Variants in PC observed in about 807,000 individuals in gnomAD.
PC encodes the protein pyruvate carboxylase.
In PC, 46 loss-of-function variants were observed where a neutral mutation model predicts 107.8. That is an observed-to-expected ratio of 0.43 (90% CI 0.34 to 0.55). The LOEUF is 0.55. PC is among the 20% of genes least tolerant of loss of function. The pLI, the probability that PC is intolerant of heterozygous loss-of-function variation, is 0.04. For synonymous variants in PC, 662 were observed against 684.7 expected, an observed-to-expected ratio of 0.97 and a Z score of 0.52; for missense variants, 1,241 against 1,643.1, an observed-to-expected ratio of 0.76 and a Z score of 4.23.
intron 3 of PC, among the ~76,000 whole-genome samples, chr11:66,888,801 T>C (rs1037382861): frequency 6.6e-6 from 1 of 152,000 alleles, no homozygotes. Flanking sequence ...CTTGGCTGGG[T>C]GCAGTGGCTC....
At chr11:66,876,015 A>G (rs1199355829) in intron 3 of PC, among the ~76,000 whole-genome samples, 13 of 152,206 alleles carry the variant, frequency 8.5e-5, no homozygotes, top group Admixed American at 4.6e-4. Flanking sequence ...TGGACTCTTC[A>G]AACATGTCAA....
intron 3 of PC, among the ~76,000 whole-genome samples, chr11:66,891,588 C>T (rs1397529144): frequency 6.6e-6 from 1 of 151,886 alleles, no homozygotes; most frequent in African/African-American, 2.4e-5. Flanking sequence ...AGACGGGTTT[C>T]ACCACGTTGG....
In PC at chr11:66,958,334, G is replaced by C. The variant is rs1042141492; in HGVS notation, c.-240C>G. 1.3e-5 allele frequency: 2 copies of C among 152,422 alleles called. No homozygotes were observed. The highest frequency in any genetic ancestry group is 6.5e-5 in the Admixed American group (1 of 15,290). The allele number at this position is 152,422 out of a possible 1,614,324, so 9.4% of individuals were successfully genotyped here. ...GGCGGACACTCACCTCCTCGCCGTC[G>C]CCAGTCCTCGCCGCCGCCTCTACCG... On this transcript the variant is annotated 5_prime_UTR_variant, in exon 1 of 23. Transcript: ENST00000393960.
Position 66,848,993 on chromosome 11 carries a change from A to G in PC, c.3443T>C (p.Val1148Ala). Residue 1148 changes from valine (V) to alanine (A), a missense_variant, in exon 23 of 23, where the codon GTG (valine) becomes GCG (alanine). This residue lies in a region of PC where 98 missense variants were observed against 91.2 expected (regional missense o/e 1.07). Transcript: ENST00000393960. ...CVLSAMKMET[V>A]VTSPMEGTVR... ...AGTACCCTCCATGGGTGAGGTCACC[A>G]CAGTCTCCATCTTCATGGCACTGAG... 6.2e-7 allele frequency: 1 copy of G among 1,614,066 alleles called. No individual in the cohort carries two copies.
rs765735026 is a variant in PC at position 66,849,057 on chromosome 11, C to G, written c.3379G>C (p.Ala1127Pro). 1 of 1,614,106 alleles carries G rather than the reference C, an allele frequency of 6.2e-7. No individual in the cohort carries two copies. Among genetic ancestry groups the G allele is most frequent in the Non-Finnish European group, 8.5e-7 (1 of 1,180,042 alleles). Residue 1127 changes from alanine to proline, a missense_variant, in exon 23 of 23, where the codon GCA becomes CCA. This residue lies in a region of PC where 98 missense variants were observed against 91.2 expected (regional missense o/e 1.07). Coordinates refer to ENST00000393960, the MANE Select transcript of PC (RefSeq NM_001040716.2). ...TGGCCCTTGGCCACCTTGGCCCCTGCCACCACTTTGATGTCTATCACCTTC... is the reference window on the plus strand; with the variant it reads ...TGGCCCTTGGCCACCTTGGCCCCTGGCACCACTTTGATGTCTATCACCTTC... ...PGKVIDIKVV[A>P]GAKVAKGQPL...
At chr11:66,930,253 G>A (rs1462127501) in intron 3 of PC, among the ~76,000 whole-genome samples, 1 of 152,096 alleles carries the variant, frequency 6.6e-6, no homozygotes, top group African/African-American at 2.4e-5. Context: ...ACACAGACTT[G>A]CAGTCCAAAG....
At chr11:66,943,281 G>A (rs868463119) in intron 3 of PC, among the ~76,000 whole-genome samples, 1,473 of 140,506 alleles carry the variant, frequency 0.01, 26 homozygotes, top group African/African-American at 0.035. Context: ...GGAGTCGGAG[G>A]AAAAAAAAAA....
chr11:66,851,126 G>A lies in PC; in HGVS notation c.2137C>T (p.Pro713Ser), dbSNP rs778030981. The part of the protein sequence containing the change: ...AISYTGDVAD[P>S]SRTKYSLQYY... ...TGCAGTGAGTACTTGGTGCGGCTGG[G>A]GTCGGCCACGTCGCCCGTGTATGAG... Residue 713 changes from proline (P) to serine (S), a missense_variant, in exon 17 of 23, where the codon CCC becomes TCC. By Grantham distance (74) the Pro-to-Ser change is moderately conservative (BLOSUM62 -1). Coordinates refer to ENST00000393960, the MANE Select transcript of PC (RefSeq NM_001040716.2). 1.2e-6 allele frequency: 2 copies of A among 1,612,904 alleles called. No homozygotes were observed. Among genetic ancestry groups the A allele is most frequent in the East Asian group, 2.2e-5 (1 of 44,896 alleles).
chr11:66,866,374 G>GA lies in PC; in HGVS notation c.1023-26dup, dbSNP rs759825694. ...GCTGTAGGGCATTGGGGGGAGGGGG[G>GA]AAAGGACGGGAGAAAGGGGGAAACA... is the stretch of plus-strand genomic sequence containing the variant. On this transcript the variant is annotated intron_variant, in intron 10 of 22. Transcript: ENST00000393960. The surrounding 1 kb of genome is among the most constrained non-coding windows in gnomAD (Gnocchi z 5.4). 2.1e-6 allele frequency: 3 copies of GA among 1,407,494 alleles called. No individual in the cohort carries two copies. The highest frequency in any genetic ancestry group is 2.3e-5 in the South Asian group (2 of 86,508). 87.2% of individuals were successfully genotyped at this position (1,407,494 alleles called of 1,614,324 possible).
At chr11:66,932,423 G>T (rs1407431562) in intron 3 of PC, among the ~76,000 whole-genome samples, 2 of 152,128 alleles carry the variant, frequency 1.3e-5, no homozygotes, top group African/African-American at 4.8e-5. Flanking sequence ...TTCAATGGGA[G>T]GGTAGAACTC....
chr11:66,850,183 G>C, intron 19 of PC, 37 bp downstream of exon 19: 1 of 1,613,802 alleles, frequency 6.2e-7, no homozygotes, highest in Non-Finnish European at 8.5e-7. Flanking sequence ...GGTGCATGCA[G>C]GGCTGGGTCA....
rs1945298606 is a variant in PC, at chr11:66,848,878, G to A, written c.*21C>T. On this transcript the variant is annotated 3_prime_UTR_variant, in exon 23 of 23. Transcript: ENST00000393960. ...TCTGTTGAAGGCTTGGGGATGGCCA[G>A]GCTGCCGGTCTGGGGCAAGATCACT... is the stretch of plus-strand genomic sequence containing the variant. 1.2e-6 allele frequency: 2 copies of A among 1,613,358 alleles called. No individual in the cohort carries two copies. Among genetic ancestry groups the A allele is most frequent in the African/African-American group, 1.3e-5 (1 of 75,062 alleles).
chr11:66,876,856 C>A (rs548038498), intron 3 of PC, among the ~76,000 whole-genome samples: 2 of 152,128 alleles, frequency 1.3e-5, no homozygotes, highest in East Asian at 1.9e-4. Context: ...CAGGAAGAGG[C>A]GAGGGGAGCC....
intron 3 of PC, among the ~76,000 whole-genome samples, chr11:66,923,328 C>CTCTAGCCTGGGAGACAGAG (rs1292404985): frequency 8.8e-5 from 13 of 147,438 alleles, no homozygotes; most frequent in African/African-American, 3.2e-4. Flanking sequence ...CGCCACTGCA[C>CTCTAGCCTGGGAGACAGAG]TCTAGCCTGG....
chr11:66,854,961 C>T (rs933246187), intron 12 of PC, among the ~76,000 whole-genome samples: 1 of 152,162 alleles, frequency 6.6e-6, no homozygotes, highest in African/African-American at 2.4e-5. Context: ...CCCGAGCGCG[C>T]AGAGTGAGAA....
In PC at chr11:66,858,199, T is replaced by C; in HGVS notation, c.1369-4816A>G. 1.9e-6 allele frequency: 3 copies of C among 1,612,330 alleles called. No homozygotes were observed. Among genetic ancestry groups the C allele is most frequent in the Non-Finnish European group, 2.5e-6 (3 of 1,179,752 alleles). On this transcript the variant is annotated intron_variant, in intron 12 of 22. Coordinates refer to ENST00000393960, the MANE Select transcript of PC (RefSeq NM_001040716.2). This position sits in a 1 kb window ranked among gnomAD's most constrained non-coding sequence, Gnocchi z 5.9. ...CTAGAGAGCCTGGAGGACCTGGACCTGTCCTACAACAACCTCCGGCAGGTG... is the reference window on the plus strand; with the variant it reads ...CTAGAGAGCCTGGAGGACCTGGACCCGTCCTACAACAACCTCCGGCAGGTG...
chr11:66,897,538 C>T (rs1364902354), intron 3 of PC, among the ~76,000 whole-genome samples: 1 of 152,278 alleles, frequency 6.6e-6, no homozygotes, highest in East Asian at 1.9e-4. Flanking sequence ...TGCCACTGCA[C>T]TCCAGCCTGG....
chr11:66,932,197 G>T lies in PC; in HGVS notation c.-1+20233C>A, dbSNP rs80269544. 5.1e-3 allele frequency among the ~76,000 whole-genome samples: 783 copies of T among 152,168 alleles called. 9 individuals carry two copies. The highest frequency in any genetic ancestry group is 0.018 in the African/African-American group (737 of 41,522). ...TCATACATTTCAATGTTTGTACAAGGTGCAAGTATTACATAGCTAAACTGA... is the reference window on the plus strand; with the variant it reads ...TCATACATTTCAATGTTTGTACAAGTTGCAAGTATTACATAGCTAAACTGA... On this transcript the variant is annotated intron_variant, in intron 3 of 22. Transcript: ENST00000393960.
chr11:66,951,371 C>A (rs1420166869), intron 3 of PC, among the ~76,000 whole-genome samples: 1 of 152,022 alleles, frequency 6.6e-6, no homozygotes, highest in African/African-American at 2.4e-5. Context: ...TAGCAGGGGA[C>A]CGGCGGGAGG....
Sources: gnomAD v4.1 joint callset for allele counts (sites outside exome capture counted in the v4.1 genomes callset) on GRCh38, gnomAD v4.1.1 for gene constraint, gnomAD v4.1.1 regional missense constraint, Gnocchi (gnomAD v3.1) non-coding constraint, MANE v1.5 for transcripts, NCBI Gene and HGNC (gene_info 2026-07-23, HGNC 2026-07-21) for gene names.